RALGPS1: variants seen among roughly 807,000 people sequenced by gnomAD.
The protein encoded by RALGPS1 is ras-specific guanine nucleotide-releasing factor RalGPS1.
Under a neutral mutation model 78.8 loss-of-function variants are expected in RALGPS1, and 19 were observed. That is an observed-to-expected ratio of 0.24 (90% confidence interval 0.17 to 0.35). RALGPS1 has a LOEUF of 0.35. Among genes scored for constraint, RALGPS1 ranks in the 10% least tolerant of loss-of-function variants. RALGPS1 has a pLI of 1.00. For missense variants in RALGPS1, 454 were observed against 688.3 expected (o/e 0.66, Z 3.81); for synonymous variants, 228 against 256.3 (o/e 0.89, Z 1.06).
chr9:127,112,197 T>A (rs1229557586), intron 8 of RALGPS1, among the ~76,000 whole-genome samples: 4 of 152,228 alleles, frequency 2.6e-5, no homozygotes, highest in Non-Finnish European at 4.4e-5. Flanking sequence ...AGCTTCTGGT[T>A]TGGGCTCTGC....
intron 4 of RALGPS1, among the ~76,000 whole-genome samples, chr9:127,031,673 T>C (rs534286971): frequency 6.6e-6 from 1 of 152,336 alleles, no homozygotes; most frequent in South Asian, 2.1e-4. Flanking sequence ...AGTGACATGG[T>C]GTGGGATTCA....
intron 5 of RALGPS1, among the ~76,000 whole-genome samples, chr9:127,037,977 G>A (rs1285150349): frequency 6.6e-6 from 1 of 152,182 alleles, no homozygotes; most frequent in East Asian, 1.9e-4. Flanking sequence ...AGGGTGTTCT[G>A]GAAGGAAGAA....
intron 1 of RALGPS1, among the ~76,000 whole-genome samples, chr9:126,917,384 A>G (rs945533736): frequency 2.6e-5 from 4 of 152,228 alleles, no homozygotes; most frequent in African/African-American, 9.6e-5. Context: ...AGCAACATTC[A>G]GGGTGGAGAG....
intron 4 of RALGPS1, among the ~76,000 whole-genome samples, chr9:126,981,109 G>A (rs1429443822): frequency 6.6e-6 from 1 of 152,124 alleles, no homozygotes; most frequent in Admixed American, 6.5e-5. Context: ...ATGAGGAGAT[G>A]GGGGTATTTA....
At chr9:126,915,632 G>T (rs1331859855) in intron 1 of RALGPS1, among the ~76,000 whole-genome samples, 1 of 152,174 alleles carries the variant, frequency 6.6e-6, no homozygotes, top group Non-Finnish European at 1.5e-5. Context: ...GCCTGCCTGT[G>T]CCTCTGCTGA....
chr9:126,983,755 A>G (rs79001951), intron 4 of RALGPS1, among the ~76,000 whole-genome samples: 3,638 of 152,002 alleles, frequency 0.024, 143 homozygotes, highest in African/African-American at 0.084. Flanking sequence ...AATATTCTAA[A>G]TTGTAAATAT....
Position 127,195,157 on chromosome 9 carries a change from C to T in RALGPS1, c.977C>T (p.Ala326Val). ...CCCACCTGTCCTGACACATCTGTTG[C>T]TGGCAGCCTCCCCACACCTCCAGTC... ...RRPTCPDTSVAGSLPTPPVPR... is the reference protein window; with the variant it reads ...RRPTCPDTSVVGSLPTPPVPR... Residue 326 changes from alanine (A) to valine (V), a missense_variant, in exon 12 of 19, where the codon GCT (alanine) becomes GTT (valine). Transcript: ENST00000259351. 1.2e-6 allele frequency: 2 copies of T among 1,613,130 alleles called. No homozygotes were observed. Among genetic ancestry groups the T allele is most frequent in the Non-Finnish European group, 8.5e-7 (1 of 1,179,996 alleles).
At chr9:127,126,906 A>G (rs889138225) in intron 8 of RALGPS1, among the ~76,000 whole-genome samples, 1 of 152,064 alleles carries the variant, frequency 6.6e-6, no homozygotes, top group Non-Finnish European at 1.5e-5. Context: ...CATGTCTATA[A>G]TTTTTTATTG....
chr9:127,124,973 C>T (rs971159927), intron 8 of RALGPS1, among the ~76,000 whole-genome samples: 11 of 152,150 alleles, frequency 7.2e-5, no homozygotes, highest in Non-Finnish European at 1.3e-4. Flanking sequence ...ACCAGGGTGT[C>T]TTGCCCCATC....
chr9:127,092,722 C>A (rs1328205086), intron 8 of RALGPS1, among the ~76,000 whole-genome samples: 2 of 152,098 alleles, frequency 1.3e-5, no homozygotes, highest in African/African-American at 4.8e-5. Flanking sequence ...GGATTTGAAC[C>A]AAGAACCCAG....
intron 4 of RALGPS1, among the ~76,000 whole-genome samples, chr9:127,025,829 CT>C (rs1204489913): frequency 6.6e-6 from 1 of 151,834 alleles, no homozygotes; most frequent in Non-Finnish European, 1.5e-5. Context: ...GTAGCTAGGA[CT>C]GCAGGCAAGC....
chr9:127,120,741 T>A (rs900149603), intron 8 of RALGPS1, among the ~76,000 whole-genome samples: 12 of 150,934 alleles, frequency 8.0e-5, no homozygotes, highest in African/African-American at 1.2e-4. Context: ...GGCAGGAGAA[T>A]GGCGTGAACC....
rs751587141 is a variant in RALGPS1, at chr9:127,216,973, C to T, written c.1645-1767C>T. The stretch of plus-strand genomic sequence containing the variant: ...GAGGTGGACCACCTGGAGGGCGGTG[C>T]GGGGAAGGAGGCAGGGCCCTGTGCC... On this transcript the variant is annotated intron_variant, in intron 18 of 18. Transcript: ENST00000259351. 2.3e-4 allele frequency: 362 copies of T among 1,544,056 alleles called. 1 individual carries two copies. The highest frequency in any genetic ancestry group is 1.6e-4 in the Non-Finnish European group (178 of 1,144,474).
intron 14 of RALGPS1, among the ~76,000 whole-genome samples, chr9:127,200,741 G>T (rs1232133894): frequency 6.6e-6 from 1 of 152,230 alleles, no homozygotes; most frequent in African/African-American, 2.4e-5. Flanking sequence ...AGGCACAAGG[G>T]CAGACTCTAG....
chr9:127,180,474 T>C (rs1362761157), intron 11 of RALGPS1, among the ~76,000 whole-genome samples: 1 of 152,244 alleles, frequency 6.6e-6, no homozygotes, highest in Non-Finnish European at 1.5e-5. Flanking sequence ...TTCTTAGCTG[T>C]AGGCCCTTGG....
intron 8 of RALGPS1, among the ~76,000 whole-genome samples, chr9:127,070,850 A>G (rs1157718550): frequency 1.3e-5 from 2 of 151,666 alleles, no homozygotes; most frequent in Non-Finnish European, 2.9e-5. Context: ...GTTTATTTAG[A>G]TTTTCTTTCT....
chr9:127,153,571 T>C (rs770500535), intron 8 of RALGPS1, among the ~76,000 whole-genome samples: 11 of 152,048 alleles, frequency 7.2e-5, no homozygotes, highest in Non-Finnish European at 1.5e-4. Flanking sequence ...GCTAAGGCCC[T>C]GTCATGATGG....
intron 4 of RALGPS1, among the ~76,000 whole-genome samples, chr9:126,985,167 G>A (rs761313577): frequency 6.6e-6 from 1 of 152,110 alleles, no homozygotes; most frequent in Admixed American, 6.5e-5. Flanking sequence ...GCTGAGAGGC[G>A]TGGCAAGCTT....
intron 1 of RALGPS1, among the ~76,000 whole-genome samples, chr9:126,918,337 G>A (rs1300861826): frequency 3.3e-5 from 5 of 152,120 alleles, no homozygotes; most frequent in Non-Finnish European, 5.9e-5. Flanking sequence ...TTTGAATATC[G>A]TTTAAAACTT....
Sources: allele counts gnomAD v4.1 joint callset (sites outside exome capture counted in the v4.1 genomes callset), GRCh38; gene constraint gnomAD v4.1.1; transcripts MANE v1.5; gene names NCBI Gene and HGNC (gene_info 2026-07-23, HGNC 2026-07-21).